The following ZFHX3 variants were observed in gnomAD, a reference collection of about 807,000 sequenced individuals.
The protein encoded by ZFHX3 is zinc finger homeobox 3.
Under a neutral mutation model 279.1 loss-of-function variants are expected in ZFHX3, and 42 were observed. The observed-to-expected ratio is 0.15, with a 90% CI of 0.12 to 0.19. The LOEUF (loss-of-function observed/expected upper bound fraction) is 0.19. ZFHX3 is among the 10% of genes least tolerant of loss of function. The pLI, the probability that ZFHX3 is intolerant of heterozygous loss-of-function variation, is 1.00. For synonymous variants in ZFHX3, 2,293 were observed against 1,957.8 expected, an observed-to-expected ratio of 1.17 and a Z score of -4.52; for missense variants, 4,981 against 4,754.0, an observed-to-expected ratio of 1.05 and a Z score of -1.40.
intron 1 of ZFHX3, among the ~76,000 whole-genome samples, chr16:73,760,818 A>G (rs1191215098): frequency 1.3e-5 from 2 of 152,096 alleles, no homozygotes; most frequent in Non-Finnish European, 2.9e-5. Flanking sequence ...CATTTGAGGA[A>G]TGTACCTCAA....
At chr16:73,144,481 G>C (rs1220352963) in intron 5 of ZFHX3, 1 of 152,210 alleles carries the variant, frequency 6.6e-6, no homozygotes, top group African/African-American at 2.4e-5. Flanking sequence ...GGTTAAGCCA[G>C]GGAAGGAAAA....
intron 7 of ZFHX3, among the ~76,000 whole-genome samples, chr16:72,803,410 C>T (rs567169856): frequency 8.5e-5 from 13 of 152,246 alleles, no homozygotes; most frequent in Admixed American, 2.6e-4. Context: ...AACACTGAAA[C>T]ATGTAGGTTT....
chr16:73,540,901 T>C (rs2019999102), intron 2 of ZFHX3, among the ~76,000 whole-genome samples: 1 of 152,148 alleles, frequency 6.6e-6, no homozygotes, highest in Admixed American at 6.5e-5. Flanking sequence ...CACGTACTGC[T>C]TGGGCTATGC....
At chr16:73,383,815 C>A (rs527827784) in intron 3 of ZFHX3, among the ~76,000 whole-genome samples, 37 of 152,310 alleles carry the variant, frequency 2.4e-4, no homozygotes, top group Non-Finnish European at 4.9e-4. Context: ...ATGGACCCTG[C>A]TTGCCAACGA....
intron 4 of ZFHX3, chr16:73,294,010 A>AC (rs1567442313): frequency 6.6e-6 from 1 of 151,484 alleles, no homozygotes; most frequent in Non-Finnish European, 1.5e-5. Flanking sequence ...AAAAAAAAAA[A>AC]AAACCACAAA....
Position 72,959,210 on chromosome 16 carries a change from G to T in ZFHX3, c.936C>A (p.Asp312Glu). ...TCTTATTGCTAAGAATTTTCCGCTC[G>T]TCTTCGCTCAGGGTCATTCGATGGT... ...VHDHRMTLSE[D>E]ERKILSNKNI... Residue 312 changes from aspartate (D) to glutamate (E), a missense_variant, in exon 2 of 10, where the codon GAC becomes GAA. Physicochemically the swap from Asp to Glu is conservative, Grantham distance 45. Coordinates refer to ENST00000268489, the MANE Select transcript of ZFHX3 (RefSeq NM_006885.4). 6.2e-7 allele frequency: 1 copy of T among 1,614,178 alleles called. No homozygotes were observed. Among genetic ancestry groups the T allele is most frequent in the Non-Finnish European group, 8.5e-7 (1 of 1,180,024 alleles).
At chr16:73,785,999 T>C (rs1459821216) in intron 1 of ZFHX3, among the ~76,000 whole-genome samples, 3 of 152,106 alleles carry the variant, frequency 2.0e-5, no homozygotes, top group African/African-American at 7.2e-5. Flanking sequence ...ACCTTCTGAG[T>C]AGGTGGGATT....
intron 1 of ZFHX3, among the ~76,000 whole-genome samples, chr16:73,803,466 G>C (rs1463126219): frequency 6.6e-6 from 1 of 152,182 alleles, no homozygotes; most frequent in Non-Finnish European, 1.5e-5. Flanking sequence ...AAATAATCAA[G>C]CTGTGCTTAT....
intron 3 of ZFHX3, among the ~76,000 whole-genome samples, chr16:73,405,595 T>G (rs979497652): frequency 9.7e-5 from 8 of 82,586 alleles, no homozygotes; most frequent in African/African-American, 5.2e-4. Context: ...GTTTTTTGTT[T>G]TTTTTTTTTA....
At chr16:73,846,813 G>A (rs1005710862) in intron 1 of ZFHX3, among the ~76,000 whole-genome samples, 1 of 152,118 alleles carries the variant, frequency 6.6e-6, no homozygotes, top group African/African-American at 2.4e-5. Flanking sequence ...GACAAATGTA[G>A]CCATGAAGAA....
chr16:73,387,833 C>G (rs1417608923), intron 3 of ZFHX3, among the ~76,000 whole-genome samples: 1 of 151,952 alleles, frequency 6.6e-6, no homozygotes, highest in African/African-American at 2.4e-5. Context: ...TTGGAACACC[C>G]AGGAAACTTC....
chr16:73,610,518 AC>A (rs1338908685), intron 2 of ZFHX3, among the ~76,000 whole-genome samples: 1 of 152,092 alleles, frequency 6.6e-6, no homozygotes, highest in Non-Finnish European at 1.5e-5. Context: ...ACTCCAAGGC[AC>A]CTTTTTGTTA....
At chr16:73,646,265 C>A (rs144139265) in intron 2 of ZFHX3, among the ~76,000 whole-genome samples, 5 of 152,108 alleles carry the variant, frequency 3.3e-5, no homozygotes, top group Admixed American at 3.3e-4. Context: ...GATTGATACA[C>A]ATTTACTGAT....
At chr16:73,154,166 A>G (rs1416238067) in intron 5 of ZFHX3, among the ~76,000 whole-genome samples, 1 of 152,168 alleles carries the variant, frequency 6.6e-6, no homozygotes, top group Non-Finnish European at 1.5e-5. Context: ...TCCCTTGGGT[A>G]TTGCAGAACT....
intron 1 of ZFHX3, among the ~76,000 whole-genome samples, chr16:73,729,692 C>T (rs545431596): frequency 6.6e-6 from 1 of 152,318 alleles, no homozygotes; most frequent in South Asian, 2.1e-4. Flanking sequence ...TCTTGGCATA[C>T]ACAAAGGACA....
At chr16:73,411,875 A>C (rs532693076) in intron 3 of ZFHX3, among the ~76,000 whole-genome samples, 1 of 151,972 alleles carries the variant, frequency 6.6e-6, no homozygotes, top group Non-Finnish European at 1.5e-5. Flanking sequence ...TGAGTGTGTG[A>C]CCTCCAGTCT....
intron 1 of ZFHX3, among the ~76,000 whole-genome samples, chr16:72,992,147 T>C (rs561345069): frequency 4.6e-5 from 7 of 152,264 alleles, no homozygotes; most frequent in African/African-American, 1.7e-4. Context: ...GGTCCTAGTT[T>C]CTTCTAAGTA....
Position 72,959,881 on chromosome 16 carries a change from C to T in ZFHX3, c.265G>A (p.Ala89Thr), listed in dbSNP as rs1314855387. Residue 89 changes from alanine (A) to threonine (T), a missense_variant, in exon 2 of 10, where the codon GCC (alanine) becomes ACC (threonine). Physicochemically the swap from Ala to Thr is moderately conservative, Grantham distance 58. Coordinates refer to ENST00000268489, the MANE Select transcript of ZFHX3 (RefSeq NM_006885.4). ...VTCNECSASF[A>T]SLQTYMEHHC... ...TGCTCCATGTAGGTCTGGAGGCTGG[C>T]AAAGGAGGCCGAACATTCGTTGCAG... 1 of 1,602,726 alleles carries T rather than the reference C, an allele frequency of 6.2e-7. No homozygotes were observed. Among genetic ancestry groups the T allele is most frequent in the East Asian group, 2.2e-5 (1 of 44,608 alleles).
At chr16:73,627,980 C>A (rs1356444930) in intron 2 of ZFHX3, among the ~76,000 whole-genome samples, 1 of 152,114 alleles carries the variant, frequency 6.6e-6, no homozygotes, top group Non-Finnish European at 1.5e-5. Context: ...CATGAAGAGG[C>A]AGGTTAAGCT....
Sources: gnomAD v4.1 joint callset for allele counts (sites outside exome capture counted in the v4.1 genomes callset) on GRCh38, gnomAD v4.1.1 for gene constraint, MANE v1.5 for transcripts, NCBI Gene and HGNC (gene_info 2026-07-23, HGNC 2026-07-21) for gene names.